Variants in ZBTB20 observed in about 807,000 individuals in gnomAD.
The protein encoded by ZBTB20 is zinc finger and BTB domain containing 20.
In ZBTB20, 9 loss-of-function variants were observed where a neutral mutation model predicts 56.9. The ratio of observed to expected loss-of-function variants is 0.16; its 90% confidence interval spans 0.10 to 0.28. The LOEUF is 0.28. Among genes scored for constraint, ZBTB20 ranks in the 10% least tolerant of loss-of-function variants. The pLI is 1.00. For missense variants in ZBTB20, 655 were observed against 1,003.0 expected (o/e 0.65, Z 4.69); for synonymous variants, 417 against 420.7 (o/e 0.99, Z 0.11).
chr3:114,596,302 C>T (rs982332243), intron 6 of ZBTB20, among the ~76,000 whole-genome samples: 3 of 152,136 alleles, frequency 2.0e-5, no homozygotes, highest in African/African-American at 7.2e-5. Flanking sequence ...TATGCCATCA[C>T]CATGTATACT....
At chr3:114,401,846 C>A (rs1005217743) in intron 7 of ZBTB20, among the ~76,000 whole-genome samples, 1 of 152,054 alleles carries the variant, frequency 6.6e-6, no homozygotes, top group South Asian at 2.1e-4. Flanking sequence ...AGAACAAATA[C>A]AAATGCTGGA....
At chr3:114,343,454 A>T (rs1195678641) in intron 11 of ZBTB20, among the ~76,000 whole-genome samples, 1 of 152,128 alleles carries the variant, frequency 6.6e-6, no homozygotes, top group Non-Finnish European at 1.5e-5. Context: ...GCCCTAGTAC[A>T]ATGCCCTCCT....
At chr3:115,134,782 T>C (rs985199620) in intron 1 of ZBTB20, among the ~76,000 whole-genome samples, 1 of 152,198 alleles carries the variant, frequency 6.6e-6, no homozygotes, top group African/African-American at 2.4e-5. Context: ...TTAAATGAAT[T>C]GCTATTTTTC....
At chr3:114,980,861 G>A (rs142364404) in intron 2 of ZBTB20, among the ~76,000 whole-genome samples, 2 of 152,088 alleles carry the variant, frequency 1.3e-5, no homozygotes, top group African/African-American at 4.8e-5. Flanking sequence ...TACCTGAAAT[G>A]TTGGTTAGTT....
chr3:114,839,213 C>A (rs760083459), intron 4 of ZBTB20, among the ~76,000 whole-genome samples: 1 of 152,018 alleles, frequency 6.6e-6, no homozygotes, highest in African/African-American at 2.4e-5. Flanking sequence ...CCAGCTTTGG[C>A]AATGTGCCAA....
At position 114,321,904 on chromosome 3, in the gene ZBTB20, C is replaced by T. The variant is rs1418531740; in HGVS notation, c.*17101G>A. On this transcript the variant is annotated 3_prime_UTR_variant, in exon 12 of 12. Transcript: ENST00000675478. ...GACTGGAGGCAATGGTACAGAAAAGCGTAACTGAATAAATTATTAATCTAG... is the reference window on the plus strand; with the variant it reads ...GACTGGAGGCAATGGTACAGAAAAGTGTAACTGAATAAATTATTAATCTAG... 1 of 152,180 alleles carries T rather than the reference C, an allele frequency of 6.6e-6. No homozygotes were observed. Among genetic ancestry groups the T allele is most frequent in the Non-Finnish European group, 1.5e-5 (1 of 68,034 alleles). 9.4% of individuals were successfully genotyped at this position (152,180 alleles called of 1,614,324 possible). A position where few individuals can be genotyped will look rare whatever the true frequency, so the allele number is the denominator to read the frequency against.
At chr3:114,682,884 G>C (rs1417385180) in intron 6 of ZBTB20, among the ~76,000 whole-genome samples, 1 of 152,148 alleles carries the variant, frequency 6.6e-6, no homozygotes, top group Admixed American at 6.5e-5. Context: ...TCTTGGCTTT[G>C]AGCTTGGTTA....
chr3:114,687,335 A>T (rs942271572), intron 6 of ZBTB20: 2 of 151,854 alleles, frequency 1.3e-5, no homozygotes, highest in Non-Finnish European at 2.9e-5. Context: ...AAAGGGAATT[A>T]TAAAGAATAA....
At chr3:115,030,263 T>G (rs1173094740) in intron 2 of ZBTB20, among the ~76,000 whole-genome samples, 3 of 151,094 alleles carry the variant, frequency 2.0e-5, no homozygotes, top group African/African-American at 7.3e-5. Flanking sequence ...CTCCTATTCA[T>G]CTTTCAAGCA....
intron 6 of ZBTB20, chr3:114,528,560 T>C (rs1341528332): frequency 6.6e-6 from 1 of 152,204 alleles, no homozygotes; most frequent in African/African-American, 2.4e-5. Flanking sequence ...TGAAATAATT[T>C]ACGATAAAAT....
chr3:114,752,465 T>C (rs1170618797), intron 5 of ZBTB20, among the ~76,000 whole-genome samples: 1 of 152,210 alleles, frequency 6.6e-6, no homozygotes. Flanking sequence ...TGTAGCCAGT[T>C]GGCATAACCT....
chr3:114,988,646 T>A (rs967311560), intron 2 of ZBTB20, among the ~76,000 whole-genome samples: 1 of 152,194 alleles, frequency 6.6e-6, no homozygotes, highest in Non-Finnish European at 1.5e-5. Context: ...AAATGGTATT[T>A]CTAGTTCTAG....
chr3:114,535,331 T>C (rs2048336757), intron 6 of ZBTB20, among the ~76,000 whole-genome samples: 1 of 152,052 alleles, frequency 6.6e-6, no homozygotes, highest in Non-Finnish European at 1.5e-5. Context: ...CCCACAGAAA[T>C]ACAAACTACC....
chr3:115,083,276 T>A (rs2108547280), intron 1 of ZBTB20, among the ~76,000 whole-genome samples: 1 of 152,194 alleles, frequency 6.6e-6, no homozygotes, highest in African/African-American at 2.4e-5. Context: ...ATCCACATTT[T>A]CTTTTTCAAT....
At chr3:115,122,657 T>A (rs548799886) in intron 1 of ZBTB20, among the ~76,000 whole-genome samples, 3 of 152,204 alleles carry the variant, frequency 2.0e-5, no homozygotes, top group Non-Finnish European at 4.4e-5. Context: ...CATTGAACAT[T>A]TGTCTATGAA....
chr3:114,579,717 A>T (rs1340995166), intron 6 of ZBTB20, among the ~76,000 whole-genome samples: 1 of 151,554 alleles, frequency 6.6e-6, no homozygotes, highest in Non-Finnish European at 1.5e-5. Context: ...GGTCAAATAA[A>T]TATTAGGAAT....
chr3:114,848,630 T>G (rs186426155), intron 4 of ZBTB20, among the ~76,000 whole-genome samples: 3 of 152,182 alleles, frequency 2.0e-5, no homozygotes, highest in African/African-American at 7.2e-5. Context: ...GACAAGTCAT[T>G]CCTCTCTAAT....
At chr3:114,729,356 T>C (rs1350863266) in intron 5 of ZBTB20, among the ~76,000 whole-genome samples, 2 of 152,364 alleles carry the variant, frequency 1.3e-5, no homozygotes, top group Admixed American at 6.5e-5. Context: ...TTAATTGTTA[T>C]GAATTAAAAA....
rs1022446408 is a variant in ZBTB20 at position 114,491,473 on chromosome 3, T to C, written c.-255+8879A>G. Among the ~76,000 whole-genome samples, 4 of 152,174 alleles carry C rather than the reference T, an allele frequency of 2.6e-5. 1 individual carries two copies. The highest frequency in any genetic ancestry group is 2.1e-4 in the South Asian group (1 of 4,832). Reference sequence around the variant, plus strand: ...GACCTTGCCCCTCAGTGCCCATCACTTGGGAAACCTCTTAACCTTTCAGTA... The same window carrying C: ...GACCTTGCCCCTCAGTGCCCATCACCTGGGAAACCTCTTAACCTTTCAGTA... On this transcript the variant is annotated intron_variant, in intron 7 of 11. Transcript: ENST00000675478.
Sources: gnomAD v4.1 joint callset for allele counts (sites outside exome capture counted in the v4.1 genomes callset) on GRCh38, gnomAD v4.1.1 for gene constraint, MANE v1.5 for transcripts, NCBI Gene and HGNC (gene_info 2026-07-23, HGNC 2026-07-21) for gene names.